NASP: variants seen among roughly 807,000 people sequenced by gnomAD.
NASP encodes the protein NASP histone chaperone.
A neutral mutation model predicts 89.5 loss-of-function variants in NASP; 24 were observed. That is an observed-to-expected ratio of 0.27 (90% CI 0.19 to 0.38). The LOEUF (loss-of-function observed/expected upper bound fraction) is 0.38. Among genes scored for constraint, NASP ranks in the 10% least tolerant of loss-of-function variants. NASP has a pLI of 1.00. For synonymous variants in NASP, 306 were observed against 324.7 expected (o/e 0.94, Z 0.62); for missense variants, 848 against 921.4 (o/e 0.92, Z 1.03).
rs1182950195 is a variant in NASP at position 45,607,815 on chromosome 1, C to G, written c.904C>G (p.Pro302Ala). The stretch of plus-strand genomic sequence containing the variant: ...GGAGGTAGAAGCAGAGTCTTTAGAC[C>G]CGACAGTCAAGCCAGTGGATGTGGG... Reference protein sequence around the residue: ...AVEVEAESLDPTVKPVDVGGD... With the variant: ...AVEVEAESLDATVKPVDVGGD... The change falls in exon 6 of 15, where the codon CCG becomes GCG. Residue 302 changes from proline (P) to alanine (A), a missense_variant. Transcript: ENST00000350030. 3 of 1,614,030 alleles carry G rather than the reference C, an allele frequency of 1.9e-6. No individual in the cohort carries two copies. The highest frequency in any genetic ancestry group is 3.3e-5 in the Admixed American group (2 of 60,010).
chr1:45,592,526 G>GT (rs1044232029), intron 2 of NASP, among the ~76,000 whole-genome samples: 9 of 152,008 alleles, frequency 5.9e-5, no homozygotes, highest in African/African-American at 2.2e-4. Flanking sequence ...TTGTTTGTTT[G>GT]TTTTTTGAGA....
At chr1:45,617,643 C>T in intron 14 of NASP, 52 bp downstream of exon 14, 1 of 1,526,014 alleles carries the variant, frequency 6.6e-7, no homozygotes, top group Non-Finnish European at 8.8e-7. Flanking sequence ...GTTCTCAGGA[C>T]CTGGGGAAAT....
rs1643862787 is a variant in NASP, at chr1:45,602,183, CA to C, written c.108-69del. 2.0e-6 allele frequency: 3 copies of C among 1,520,960 alleles called. No individual in the cohort carries two copies. The East Asian group carries it at 7.0e-5, about 35-fold the overall frequency. 94.2% of individuals were successfully genotyped at this position (1,520,960 alleles called of 1,614,324 possible). A position where few individuals can be genotyped will look rare whatever the true frequency, so the allele number is the denominator to read the frequency against. On this transcript the variant is annotated intron_variant, in intron 2 of 14. Transcript: ENST00000350030. ...AGTTTTAAAAAATGAAACTATTGCT[CA>C]AATGTAGCAGGTATTCAAAAAATAC...
chr1:45,611,268 C>A (rs1644003862), intron 6 of NASP: 1 of 152,048 alleles, frequency 6.6e-6, no homozygotes, highest in Non-Finnish European at 1.5e-5. Flanking sequence ...CCTACTCATA[C>A]CAGAATACTA....
intron 1 of NASP, among the ~76,000 whole-genome samples, chr1:45,585,322 C>T (rs1644517239): frequency 6.6e-6 from 1 of 151,972 alleles, no homozygotes; most frequent in Non-Finnish European, 1.5e-5. Flanking sequence ...GGAATGGTTG[C>T]TGTGAAGTTT....
intron 1 of NASP, among the ~76,000 whole-genome samples, chr1:45,585,432 T>C (rs1470788639): frequency 6.6e-6 from 1 of 152,218 alleles, no homozygotes; most frequent in Non-Finnish European, 1.5e-5. Context: ...ACCTTTTCTC[T>C]CTGCGTTCTT....
At chr1:45,585,440 C>T (rs926467465) in intron 1 of NASP, among the ~76,000 whole-genome samples, 1 of 152,096 alleles carries the variant, frequency 6.6e-6, no homozygotes, top group Non-Finnish European at 1.5e-5. Flanking sequence ...TCTCTGCGTT[C>T]TTGTAGAGCA....
At chr1:45,588,265 G>C (rs559909518) in intron 1 of NASP, among the ~76,000 whole-genome samples, 1 of 151,824 alleles carries the variant, frequency 6.6e-6, no homozygotes, top group African/African-American at 2.4e-5. Flanking sequence ...CACCACACCT[G>C]GCTAATTTTT....
intron 6 of NASP, chr1:45,610,567 G>A (rs529416633): frequency 1.3e-5 from 2 of 152,192 alleles, no homozygotes; most frequent in East Asian, 3.9e-4. Context: ...CATGTGTTGG[G>A]CTGTACATTT....
At chr1:45,603,381 AG>A (rs1290267108) in intron 3 of NASP, among the ~76,000 whole-genome samples, 4 of 152,202 alleles carry the variant, frequency 2.6e-5, no homozygotes, top group Non-Finnish European at 2.9e-5. Flanking sequence ...TCCTTATAAA[AG>A]AAATGGTTAT....
At chr1:45,584,852 C>T (rs1402270502) in intron 1 of NASP, among the ~76,000 whole-genome samples, 1 of 152,206 alleles carries the variant, frequency 6.6e-6, no homozygotes, top group East Asian at 1.9e-4. Flanking sequence ...AGGCTAGTTC[C>T]CCCCGACACC....
rs753126970 is a variant in NASP at position 45,615,324 on chromosome 1, G to A, written c.1875G>A (p.Val625=). 8.7e-6 allele frequency: 14 copies of A among 1,614,148 alleles called. No individual in the cohort carries two copies. Among genetic ancestry groups the A allele is most frequent in the Non-Finnish European group, 1.2e-5 (14 of 1,180,016 alleles). ...ENRMAVLNEQ[V]KEAEGSSAEY... ...TTTTAGCTGTACTAAACGAGCAGGT[G>A]AAGGAGGCTGAAGGATCGTCTGCTG... Residue 625 remains valine (V), a synonymous_variant, in exon 11 of 15, where the codon GTG becomes GTA. Transcript: ENST00000350030.
chr1:45,592,030 C>T (rs1001489147), intron 2 of NASP, among the ~76,000 whole-genome samples: 2 of 152,224 alleles, frequency 1.3e-5, no homozygotes, highest in Admixed American at 6.5e-5. Context: ...TCTTGTCGCC[C>T]AGGCTGGAGT....
At chr1:45,617,265 TGAAGTGATATGGTGGGA>T in intron 13 of NASP, 181 bp from the exon 14 acceptor site, 1 of 553,678 alleles carries the variant, frequency 1.8e-6, no homozygotes, top group Non-Finnish European at 3.1e-6. Context: ...TAGAGGGGCC[TGAAGTGATATGGTGGGA>T]CAGATTAATA....
intron 1 of NASP, among the ~76,000 whole-genome samples, chr1:45,586,565 C>T (rs1644554448): frequency 6.6e-6 from 1 of 151,694 alleles, no homozygotes; most frequent in African/African-American, 2.4e-5. Context: ...CTGAGATTAC[C>T]GGCGTGAGCC....
chr1:45,616,404 A>T lies in NASP; in HGVS notation c.2079+11A>T. The T allele has an allele frequency of 6.2e-7, 1 of 1,613,814 alleles. No homozygotes were observed. Among genetic ancestry groups the T allele is most frequent in the Non-Finnish European group, 8.5e-7 (1 of 1,179,728 alleles). Reference sequence around the variant, plus strand: ...TCTTCAGTCTCCATGGTGCGTATTCAGGTGGTTTTTTGGTCACTTACATTA... The same window carrying T: ...TCTTCAGTCTCCATGGTGCGTATTCTGGTGGTTTTTTGGTCACTTACATTA... On this transcript the variant is annotated intron_variant, in intron 12 of 14. Coordinates refer to ENST00000350030, the MANE Select transcript of NASP (RefSeq NM_002482.4).
At chr1:45,588,301 A>G (rs1018468801) in intron 1 of NASP, among the ~76,000 whole-genome samples, 29 of 151,840 alleles carry the variant, frequency 1.9e-4, no homozygotes, top group Admixed American at 5.2e-4. Flanking sequence ...ATGAGGTTTT[A>G]CCATGTTGGC....
intron 2 of NASP, among the ~76,000 whole-genome samples, chr1:45,597,904 G>A (rs999606955): frequency 5.3e-5 from 8 of 152,084 alleles, no homozygotes; most frequent in African/African-American, 9.7e-5. Flanking sequence ...AGATTTAACC[G>A]TTTGTTGACC....
chr1:45,586,552 G>C (rs1230424230), intron 1 of NASP, among the ~76,000 whole-genome samples: 1 of 152,004 alleles, frequency 6.6e-6, no homozygotes, highest in African/African-American at 2.4e-5. Context: ...GCCTCTCAAA[G>C]TGCTGAGATT....
Sources: gnomAD v4.1 joint callset for allele counts (sites outside exome capture counted in the v4.1 genomes callset) on GRCh38, gnomAD v4.1.1 for gene constraint, MANE v1.5 for transcripts, NCBI Gene and HGNC (gene_info 2026-07-23, HGNC 2026-07-21) for gene names.